Variants in CNTN4 observed in about 807,000 individuals in gnomAD.
CNTN4 encodes the protein contactin 4.
CNTN4 carries 77 observed loss-of-function variants against 122.5 expected under a neutral mutation model. The observed-to-expected ratio is 0.63, with a 90% CI of 0.52 to 0.76. The LOEUF (loss-of-function observed/expected upper bound fraction) is 0.76. CNTN4 is among the 30% of genes least tolerant of loss of function. CNTN4 has a pLI of 0.00. For missense variants in CNTN4, 1,256 were observed against 1,259.1 expected (o/e 1.00, Z 0.04); for synonymous variants, 512 against 447.0 (o/e 1.15, Z -1.83).
chr3:2,862,168 C>A (rs181248827), intron 7 of CNTN4, among the ~76,000 whole-genome samples: 1 of 152,188 alleles, frequency 6.6e-6, no homozygotes, highest in Non-Finnish European at 1.5e-5. Context: ...AAACTGACAT[C>A]TTTGCCACTA....
intron 13 of CNTN4, among the ~76,000 whole-genome samples, chr3:2,977,915 T>C (rs1276892328): frequency 6.6e-6 from 1 of 151,970 alleles, no homozygotes; most frequent in Non-Finnish European, 1.5e-5. Flanking sequence ...GGGAAGACAA[T>C]GTAAAGAGAC....
intron 4 of CNTN4, among the ~76,000 whole-genome samples, chr3:2,636,940 G>GT (rs34067643): frequency 0.34 from 32,941 of 96,134 alleles, 6,024 homozygotes; most frequent in East Asian, 0.66. Flanking sequence ...TTTTTTTTTG[G>GT]TTTTTTTTTT....
intron 3 of CNTN4, among the ~76,000 whole-genome samples, chr3:2,446,000 C>T (rs2048612786): frequency 6.6e-6 from 1 of 152,114 alleles, no homozygotes; most frequent in Non-Finnish European, 1.5e-5. Flanking sequence ...AGAAACTCTA[C>T]TGTATAGAAG....
intron 14 of CNTN4, among the ~76,000 whole-genome samples, chr3:2,994,658 G>A (rs1695366475): frequency 6.6e-6 from 1 of 150,622 alleles, no homozygotes. Context: ...AGTATCTACA[G>A]CATTACTATT....
At chr3:2,911,616 A>C (rs1174812533) in intron 12 of CNTN4, among the ~76,000 whole-genome samples, 4 of 152,240 alleles carry the variant, frequency 2.6e-5, no homozygotes, top group South Asian at 2.1e-4. Flanking sequence ...CAATTACCAA[A>C]GAATTCTAAT....
intron 3 of CNTN4, among the ~76,000 whole-genome samples, chr3:2,465,403 G>A (rs564115677): frequency 2.2e-4 from 34 of 152,244 alleles, no homozygotes; most frequent in Middle Eastern, 3.4e-3. Context: ...ATGTCCGGGC[G>A]TGGTGGCTCA....
intron 4 of CNTN4, among the ~76,000 whole-genome samples, chr3:2,627,512 G>C (rs1226712367): frequency 2.5e-4 from 7 of 28,540 alleles, no homozygotes; most frequent in Non-Finnish European, 4.7e-4. Flanking sequence ...TTTTTTTTTT[G>C]AGATGGAATC....
At chr3:2,100,270 G>C (rs1646302658) in intron 1 of CNTN4, among the ~76,000 whole-genome samples, 1 of 152,348 alleles carries the variant, frequency 6.6e-6, no homozygotes, top group African/African-American at 2.4e-5. Flanking sequence ...ATGTTTGTCA[G>C]AATAACAGTG....
chr3:2,179,441 G>A (rs2036909309), intron 2 of CNTN4, among the ~76,000 whole-genome samples: 1 of 151,988 alleles, frequency 6.6e-6, no homozygotes, highest in Admixed American at 6.6e-5. Flanking sequence ...CTCCAATGAA[G>A]TTGAGATAAT....
intron 14 of CNTN4, among the ~76,000 whole-genome samples, chr3:3,010,105 A>G (rs1159573383): frequency 2.0e-5 from 3 of 152,172 alleles, no homozygotes; most frequent in South Asian, 4.1e-4. Flanking sequence ...CCTCAGTTCA[A>G]CCTGGTGTCC....
chr3:2,486,948 C>CT (rs1441233864), intron 3 of CNTN4, among the ~76,000 whole-genome samples: 2 of 152,002 alleles, frequency 1.3e-5, no homozygotes, highest in Non-Finnish European at 2.9e-5. Flanking sequence ...TATTTGTGTT[C>CT]TTTTTTAAAA....
intron 4 of CNTN4, among the ~76,000 whole-genome samples, chr3:2,720,816 A>G (rs769422281): frequency 9.2e-5 from 14 of 152,190 alleles, no homozygotes; most frequent in Non-Finnish European, 1.8e-4. Flanking sequence ...GGGATTTAAC[A>G]CTTACATCCT....
chr3:2,254,894 A>T (rs987231651), intron 2 of CNTN4, among the ~76,000 whole-genome samples: 1 of 152,014 alleles, frequency 6.6e-6, no homozygotes, highest in Non-Finnish European at 1.5e-5. Flanking sequence ...GTTTAATTAG[A>T]TCCCATTTGT....
chr3:2,919,533 T>C (rs900399609), intron 12 of CNTN4, among the ~76,000 whole-genome samples: 1 of 152,180 alleles, frequency 6.6e-6, no homozygotes, highest in Non-Finnish European at 1.5e-5. Flanking sequence ...TAATAGCTAA[T>C]AACAAGAGCT....
intron 3 of CNTN4, among the ~76,000 whole-genome samples, chr3:2,481,785 G>A (rs1022832077): frequency 1.3e-5 from 2 of 152,034 alleles, no homozygotes; most frequent in African/African-American, 4.8e-5. Flanking sequence ...AAGATCTGAT[G>A]GTTTTATAAG....
chr3:2,750,732 T>C (rs1216218926), intron 6 of CNTN4, among the ~76,000 whole-genome samples: 1 of 152,206 alleles, frequency 6.6e-6, no homozygotes, highest in Admixed American at 6.5e-5. Flanking sequence ...CACCTAGGGC[T>C]ACAAATATGA....
intron 7 of CNTN4, among the ~76,000 whole-genome samples, chr3:2,851,396 C>G (rs988995934): frequency 3.9e-5 from 6 of 152,182 alleles, no homozygotes; most frequent in Admixed American, 1.3e-4. Flanking sequence ...ATATTGGCCA[C>G]ACGTGTCTCC....
In CNTN4 at chr3:3,056,128, G is replaced by A. The variant is rs770331463; in HGVS notation, c.2989G>A (p.Ala997Thr). ...IRIPKISNAYARGSGASTSNA... is the reference protein window; with the variant it reads ...IRIPKISNAYTRGSGASTSNA... ...TTGTTCTCTCTTTTCAGATGCCTAC[G>A]CGAGAGGATCTGGGGCTTCCACTTC... Residue 997 changes from alanine (A) to threonine (T), a missense_variant, in exon 25 of 25, where the codon GCG becomes ACG. Physicochemically the swap from Ala to Thr is moderately conservative, Grantham distance 58. Transcript: ENST00000418658. 1.7e-5 allele frequency: 28 copies of A among 1,613,692 alleles called. 1 individual carries two copies. The highest frequency in any genetic ancestry group is 2.7e-5 in the African/African-American group (2 of 74,920).
Position 2,728,620 on chromosome 3 carries a change from A to C in CNTN4, c.56-7595A>C, listed in dbSNP as rs1379542394. ...GGAGCATTTACTCTCTTGATTGGTC[A>C]AGGGCTCTGCAGGATATAGGCAAAG... On this transcript the variant is annotated intron_variant, in intron 4 of 24. Coordinates refer to ENST00000418658, the MANE Select transcript of CNTN4 (RefSeq NM_175607.3). Among the ~76,000 whole-genome samples the C allele has an allele frequency of 2.0e-5, 3 of 152,206 alleles. No homozygotes were observed. The East Asian group carries it at 5.8e-4, about 29-fold the overall frequency.
Sources: gnomAD v4.1 joint callset for allele counts (sites outside exome capture counted in the v4.1 genomes callset) on GRCh38, gnomAD v4.1.1 for gene constraint, MANE v1.5 for transcripts, NCBI Gene and HGNC (gene_info 2026-07-23, HGNC 2026-07-21) for gene names.